The following PCNX1 variants were observed in gnomAD, a reference collection of about 807,000 sequenced individuals.
The protein encoded by PCNX1 is pecanex 1.
A neutral mutation model predicts 242.2 loss-of-function variants in PCNX1; 78 were observed. The ratio of observed to expected loss-of-function variants is 0.32; its 90% CI spans 0.27 to 0.39. The LOEUF is 0.39. Among genes scored for constraint, PCNX1 ranks in the 10% least tolerant of loss-of-function variants. PCNX1 has a pLI of 1.00. For synonymous variants in PCNX1, 1,024 were observed against 1,032.9 expected (o/e 0.99, Z 0.17); for missense variants, 2,581 against 2,856.5 (o/e 0.90, Z 2.20).
At chr14:71,008,977 TG>T (rs1424702715) in intron 8 of PCNX1, among the ~76,000 whole-genome samples, 4 of 152,206 alleles carry the variant, frequency 2.6e-5, no homozygotes, top group African/African-American at 9.6e-5. Context: ...TGTATTCATT[TG>T]CAACATTTGC....
intron 1 of PCNX1, among the ~76,000 whole-genome samples, chr14:70,910,029 C>CG (rs2055756900): frequency 1.2e-5 from 1 of 82,640 alleles, no homozygotes; most frequent in Non-Finnish European, 2.7e-5. Flanking sequence ...ACGACGACTC[C>CG]TCCCTCCTCC....
intron 28 of PCNX1, among the ~76,000 whole-genome samples, chr14:71,087,091 C>T (rs755134150): frequency 2.0e-5 from 3 of 152,098 alleles, no homozygotes; most frequent in East Asian, 3.8e-4. Context: ...GAAGATCACC[C>T]GTCATTTTAT....
chr14:70,947,784 G>C (rs181601144), intron 2 of PCNX1, among the ~76,000 whole-genome samples: 2 of 152,144 alleles, frequency 1.3e-5, no homozygotes, highest in African/African-American at 2.4e-5. Flanking sequence ...GACTGCCTGC[G>C]GGCTGGGCGG....
intron 19 of PCNX1, 47 bp downstream of exon 19, chr14:71,036,204 G>GTGAGACCCT: frequency 8.4e-7 from 1 of 1,187,322 alleles, no homozygotes; most frequent in Non-Finnish European, 1.3e-6. Flanking sequence ...TTTGAGACAG[G>GTGAGACCCT]GTCTCACTCT....
chr14:70,908,325 G>T (rs1594855934), intron 1 of PCNX1, among the ~76,000 whole-genome samples: 1 of 152,124 alleles, frequency 6.6e-6, no homozygotes, highest in Admixed American at 6.5e-5. Context: ...GGGGCCCCCC[G>T]CCCGTGGGGC....
intron 1 of PCNX1, among the ~76,000 whole-genome samples, chr14:70,929,474 T>G (rs2056711117): frequency 6.6e-6 from 1 of 152,226 alleles, no homozygotes; most frequent in African/African-American, 2.4e-5. Flanking sequence ...TGTAGCAACA[T>G]GACTTGATTT....
intron 28 of PCNX1, among the ~76,000 whole-genome samples, chr14:71,088,118 A>T (rs1486853341): frequency 2.0e-5 from 3 of 152,088 alleles, no homozygotes; most frequent in African/African-American, 7.2e-5. Context: ...TTGTTCCGTT[A>T]TTATGAAATT....
chr14:71,028,347 A>T (rs896716070), intron 15 of PCNX1, among the ~76,000 whole-genome samples: 1 of 152,004 alleles, frequency 6.6e-6, no homozygotes, highest in Non-Finnish European at 1.5e-5. Context: ...CACTTAATAC[A>T]TCTCCAGTTC....
intron 2 of PCNX1, among the ~76,000 whole-genome samples, chr14:70,948,706 CACAT>C (rs1426106689): frequency 1.1e-4 from 16 of 144,258 alleles, no homozygotes; most frequent in South Asian, 2.1e-4. Flanking sequence ...TATATATACA[CACAT>C]ACACATAAGT....
intron 8 of PCNX1, among the ~76,000 whole-genome samples, chr14:71,000,949 T>TA (rs1401223656): frequency 6.6e-6 from 1 of 152,204 alleles, no homozygotes; most frequent in East Asian, 1.9e-4. Context: ...TACCAGTTAT[T>TA]AACTATGCGA....
intron 11 of PCNX1, among the ~76,000 whole-genome samples, chr14:71,016,074 A>G (rs900899159): frequency 6.6e-6 from 1 of 152,216 alleles, no homozygotes; most frequent in African/African-American, 2.4e-5. Flanking sequence ...AAGATATACC[A>G]TGCTAACATT....
intron 8 of PCNX1, among the ~76,000 whole-genome samples, chr14:71,000,173 C>T (rs886636518): frequency 2.0e-5 from 3 of 151,888 alleles, no homozygotes; most frequent in East Asian, 3.9e-4. Context: ...AATAAAAATA[C>T]TTCATTATAT....
At chr14:71,052,756 T>G (rs1412814352) in intron 24 of PCNX1, among the ~76,000 whole-genome samples, 1 of 152,198 alleles carries the variant, frequency 6.6e-6, no homozygotes, top group African/African-American at 2.4e-5. Context: ...GTAATGACCA[T>G]CTTTGTGCAT....
In PCNX1 at chr14:70,941,000, T is replaced by C. The variant is rs527685073; in HGVS notation, c.154-5915T>C. Among the ~76,000 whole-genome samples the C allele has an allele frequency of 1.1e-4, 17 of 152,266 alleles. No homozygotes were observed. The East Asian group carries it at 3.1e-3, about 28-fold the overall frequency. ...CAGGTCATTTAAGGTCTTCTCTACA[T>C]TGTTTATTCTAGTTAGCCATTTGTC... is the stretch of plus-strand genomic sequence containing the variant. On this transcript the variant is annotated intron_variant, in intron 1 of 35. Coordinates refer to ENST00000304743, the MANE Select transcript of PCNX1 (RefSeq NM_014982.3).
chr14:70,990,137 A>AT (rs775011901), intron 7 of PCNX1, among the ~76,000 whole-genome samples: 39 of 152,140 alleles, frequency 2.6e-4, no homozygotes, highest in Non-Finnish European at 4.4e-4. Context: ...GTTTTCCTAG[A>AT]TTTTACAGTC....
intron 5 of PCNX1, among the ~76,000 whole-genome samples, chr14:70,972,597 C>G (rs897990058): frequency 2.0e-5 from 3 of 152,078 alleles, no homozygotes; most frequent in Non-Finnish European, 4.4e-5. Flanking sequence ...GCTTAAATAT[C>G]GTTTGGTACT....
Position 70,980,765 on chromosome 14 carries a change from C to T in PCNX1, c.2311+2117C>T, listed in dbSNP as rs182640204. ...CATTATCTGTTACAGTCCTGTCTGA[C>T]AATTTAGAAGAAATGTTTCTGGGCT... On this transcript the variant is annotated intron_variant, in intron 6 of 35. Coordinates refer to ENST00000304743, the MANE Select transcript of PCNX1 (RefSeq NM_014982.3). Among the ~76,000 whole-genome samples the T allele has an allele frequency of 2.9e-3, 449 of 152,218 alleles. 2 individuals carry two copies. The highest frequency in any genetic ancestry group is 5.5e-3 in the Admixed American group (84 of 15,278).
In PCNX1 at chr14:70,927,641, G is replaced by A. The variant is rs540627664; in HGVS notation, c.154-19274G>A. On this transcript the variant is annotated intron_variant, in intron 1 of 35. Transcript: ENST00000304743. ...GTCTCACTCTCTTGCCCAGGCTGGA[G>A]TGCAGTGGTGCGATCTTGGCTCACT... Among the ~76,000 whole-genome samples, 6 of 151,654 alleles carry A rather than the reference G, an allele frequency of 4.0e-5. 1 individual carries two copies. The South Asian group carries it at 1.2e-3, about 32-fold the overall frequency.
At chr14:70,995,548 A>G (rs2059323899) in intron 7 of PCNX1, among the ~76,000 whole-genome samples, 193 bp from the exon 8 acceptor site, 1 of 152,206 alleles carries the variant, frequency 6.6e-6, no homozygotes, top group African/African-American at 2.4e-5. Flanking sequence ...GTCTCTTCAA[A>G]TCAAATTTGT....
Sources: allele counts gnomAD v4.1 joint callset (sites outside exome capture counted in the v4.1 genomes callset), GRCh38; gene constraint gnomAD v4.1.1; transcripts MANE v1.5; gene names NCBI Gene and HGNC (gene_info 2026-07-23, HGNC 2026-07-21).